The following LTN1 variants were observed in gnomAD, a reference collection of about 807,000 sequenced individuals.
LTN1 encodes the protein listerin E3 ubiquitin protein ligase 1.
Under a neutral mutation model 201.2 loss-of-function variants are expected in LTN1, and 88 were observed. The observed-to-expected ratio is 0.44, with a 90% confidence interval of 0.37 to 0.52. The LOEUF is 0.52. LTN1 is among the 20% of genes least tolerant of loss of function. The pLI, the probability that LTN1 is intolerant of heterozygous loss-of-function variation, is 0.00. For missense variants in LTN1, 1,752 were observed against 2,038.7 expected (o/e 0.86, Z 2.71); for synonymous variants, 645 against 713.5 (o/e 0.90, Z 1.53).
Position 28,971,304 on chromosome 21 carries a change from C to T in LTN1, c.951G>A (p.Trp317Ter). ...TTGTAAGTGTATAGAGTACAGCTTC[C>T]CAGAGAGCTGGGCAGACAATTGGGT... ...DSDPIVCPAL[W>*]EAVLYTLTTI... The change falls in exon 7 of 30, where the codon TGG (tryptophan) becomes TGA (stop). Residue 317 changes from tryptophan to a stop codon, truncating the protein, a stop_gained. Coordinates refer to ENST00000361371, the MANE Select transcript of LTN1 (RefSeq NM_015565.3). LOFTEE classifies it high-confidence loss of function. The T allele has an allele frequency of 6.2e-7, 1 of 1,613,926 alleles. No homozygotes were observed. The highest frequency in any genetic ancestry group is 8.5e-7 in the Non-Finnish European group (1 of 1,179,912).
intron 7 of LTN1, 71 bp from the exon 8 acceptor site, chr21:28,970,813 A>T: frequency 8.5e-7 from 1 of 1,179,718 alleles, no homozygotes; most frequent in Non-Finnish European, 1.2e-6. Context: ...AAGAGAAAAC[A>T]TATAGGCTCT....
intron 6 of LTN1, among the ~76,000 whole-genome samples, chr21:28,980,569 C>CAA (rs565993803): frequency 9.0e-5 from 12 of 132,952 alleles, no homozygotes; most frequent in Non-Finnish European, 1.6e-4. Flanking sequence ...AAAGAACTAC[C>CAA]AAAAAAAAAA....
intron 24 of LTN1, 96 bp downstream of exon 24, chr21:28,943,166 C>T (rs539748604): frequency 3.0e-6 from 2 of 664,186 alleles, no homozygotes; most frequent in Non-Finnish European, 5.2e-6. Context: ...ATGAATATAA[C>T]TCTATAGCTT....
At chr21:28,960,935 C>T in intron 11 of LTN1, 1 of 349,746 alleles carries the variant, frequency 2.9e-6, no homozygotes, top group Non-Finnish European at 5.1e-6. Context: ...ATAAATATTC[C>T]CCCACCCCCC....
intron 21 of LTN1, 135 bp from the exon 22 acceptor site, chr21:28,944,731 G>T: frequency 1.6e-6 from 1 of 610,860 alleles, no homozygotes; most frequent in Non-Finnish European, 2.8e-6. Context: ...TGTAATCTCA[G>T]GAGAAACATA....
In LTN1 at chr21:28,970,647, A is replaced by T; in HGVS notation, c.1080T>A (p.Tyr360Ter). The part of the protein sequence containing the change: ...EGGRGLATVI[Y>*]PYLLPFISKL... ...TGCTGATGAATGGCAGAAGGTAAGG[A>T]TATATGACAGTAGCTAGACCCCGAC... The change falls in exon 8 of 30, where the codon TAT becomes TAA. Residue 360 changes from tyrosine to a stop codon, truncating the protein, a stop_gained. Coordinates refer to ENST00000361371, the MANE Select transcript of LTN1 (RefSeq NM_015565.3). LOFTEE classifies it high-confidence loss of function. 6.2e-7 allele frequency: 1 copy of T among 1,613,886 alleles called. No homozygotes were observed. The highest frequency in any genetic ancestry group is 1.1e-5 in the South Asian group (1 of 91,074).
chr21:28,957,456 G>T lies in LTN1; in HGVS notation c.2768C>A (p.Ala923Asp). The stretch of plus-strand genomic sequence containing the variant: ...AAGTGTATTTAGCAAATCATCAACA[G>T]CAGACAAGAGGACTTGGAGACTAAA... ...DINSLQVLLSAVDDLLNTLLE... is the reference protein window; with the variant it reads ...DINSLQVLLSDVDDLLNTLLE... Residue 923 changes from alanine (A) to aspartate (D), a missense_variant, in exon 15 of 30, where the codon GCT becomes GAT. Ala to Asp is a moderately radical substitution (Grantham distance 126). Transcript: ENST00000361371. The T allele has an allele frequency of 6.4e-7, 1 of 1,572,116 alleles. No individual in the cohort carries two copies. The highest frequency in any genetic ancestry group is 8.6e-7 in the Non-Finnish European group (1 of 1,163,660).
At chr21:28,977,150 G>C (rs1225284947) in intron 6 of LTN1, among the ~76,000 whole-genome samples, 2 of 152,110 alleles carry the variant, frequency 1.3e-5, no homozygotes, top group Non-Finnish European at 2.9e-5. Context: ...GAGGCAGGTG[G>C]ATCACCTGAG....
intron 25 of LTN1, among the ~76,000 whole-genome samples, chr21:28,937,823 A>G (rs2084267953): frequency 6.6e-6 from 1 of 152,140 alleles, no homozygotes; most frequent in Non-Finnish European, 1.5e-5. Context: ...AAAAATCTGA[A>G]ATCAGAAACA....
chr21:28,938,885 T>A (rs1246569502), intron 25 of LTN1, among the ~76,000 whole-genome samples: 1 of 152,164 alleles, frequency 6.6e-6, no homozygotes. Flanking sequence ...CACAGTTTAA[T>A]GGCTGTCAGG....
chr21:28,970,524 T>G (rs762028885), intron 8 of LTN1, 28 bp downstream of exon 8: 1 of 1,500,904 alleles, frequency 6.7e-7, no homozygotes, highest in East Asian at 2.3e-5. Context: ...CTGTTTTGTT[T>G]TAAAAATCAA....
rs753647580 is a variant in LTN1 at position 28,958,368 on chromosome 21, A to G, written c.2747+18T>C. ...CAAGTATAAAAGAGACACTGAAACC[A>G]AGCTCAAAAAAGGTTACCTGTTGAT... On this transcript the variant is annotated intron_variant, in intron 14 of 29. Coordinates refer to ENST00000361371, the MANE Select transcript of LTN1 (RefSeq NM_015565.3). 1 of 1,592,094 alleles carries G rather than the reference A, an allele frequency of 6.3e-7. No individual in the cohort carries two copies. Among genetic ancestry groups the G allele is most frequent in the African/African-American group, 1.4e-5 (1 of 73,058 alleles).
chr21:28,944,044 A>G, intron 22 of LTN1, 140 bp from the exon 23 acceptor site: 1 of 637,792 alleles, frequency 1.6e-6, no homozygotes, highest in Non-Finnish European at 2.8e-6. Flanking sequence ...AACTAGAAAC[A>G]TGAACTGAAT....
Position 28,935,363 on chromosome 21 carries a change from A to G in LTN1, c.4655-34T>C, listed in dbSNP as rs751658326. The G allele has an allele frequency of 9.0e-6, 11 of 1,225,622 alleles. No homozygotes were observed. In the South Asian group the frequency reaches 1.0e-4, roughly 11 times the overall value. The allele number at this position is 1,225,622 out of a possible 1,614,324, so 75.9% of individuals were successfully genotyped here. A position where few individuals can be genotyped will look rare whatever the true frequency, so the allele number is the denominator to read the frequency against. ...AAAACAAATTATTGATTAGTAACAT[A>G]TATTTCTTATATAGAATAACAGACT... is the stretch of plus-strand genomic sequence containing the variant. On this transcript the variant is annotated intron_variant, in intron 26 of 29. Transcript: ENST00000361371.
At chr21:28,967,532 T>A (rs1568850208) in intron 9 of LTN1, 1 of 185,354 alleles carries the variant, frequency 5.4e-6, no homozygotes, top group Non-Finnish European at 1.1e-5. Context: ...TAGCTGAACA[T>A]GTGGAGGTTC....
At chr21:28,989,351 A>G (rs1464047949) in intron 1 of LTN1, among the ~76,000 whole-genome samples, 1 of 152,158 alleles carries the variant, frequency 6.6e-6, no homozygotes, top group Non-Finnish European at 1.5e-5. Context: ...TAAATGCACT[A>G]TCTTTTTTTA....
intron 11 of LTN1, among the ~76,000 whole-genome samples, chr21:28,965,153 A>G (rs1041731759): frequency 2.0e-5 from 3 of 152,096 alleles, no homozygotes; most frequent in Admixed American, 6.6e-5. Flanking sequence ...TGTTTTTTTT[A>G]CTACAATTTA....
rs1405686802 is a variant in LTN1 at position 28,982,072 on chromosome 21, C to A, written c.629+244G>T. ...TCTATAAAAAATACAAAAAAATTAG[C>A]CAGGTGTAGTGGTGCATGCCTATAA... On this transcript the variant is annotated intron_variant, in intron 5 of 29. Coordinates refer to ENST00000361371, the MANE Select transcript of LTN1 (RefSeq NM_015565.3). Among the ~76,000 whole-genome samples the A allele has an allele frequency of 2.0e-5, 3 of 152,164 alleles. No homozygotes were observed. The East Asian group carries it at 5.8e-4, about 29-fold the overall frequency.
In LTN1 at chr21:28,977,046, C is replaced by T. The variant is rs568537111; in HGVS notation, c.810+4073G>A. Among the ~76,000 whole-genome samples the T allele has an allele frequency of 5.3e-4, 80 of 152,272 alleles. No individual in the cohort carries two copies. In the Middle Eastern group the frequency reaches 0.014, roughly 26 times the overall value. ...CTGGAGTTACAGGCATGAGCCACCA[C>T]GCTCAGCCCAAATTTACTGAAATTT... On this transcript the variant is annotated intron_variant, in intron 6 of 29. Transcript: ENST00000361371.
Sources: gnomAD v4.1 joint callset for allele counts (sites outside exome capture counted in the v4.1 genomes callset) on GRCh38, gnomAD v4.1.1 for gene constraint, MANE v1.5 for transcripts, NCBI Gene and HGNC (gene_info 2026-07-23, HGNC 2026-07-21) for gene names.